The following SMAD6 variants were observed in gnomAD, a reference collection of about 807,000 sequenced individuals.
SMAD6 encodes the protein SMAD family member 6, also known as MAD homolog 6.
In SMAD6, 103 loss-of-function variants were observed where a neutral mutation model predicts 39.4. That is an observed-to-expected ratio of 2.62 (90% CI 2.23 to 3.08). The LOEUF is 3.08. Ranked by LOEUF, SMAD6 falls within the 30% of genes most tolerant of loss-of-function variation. SMAD6 has a pLI of 0.00. For missense variants in SMAD6, 1,104 were observed against 742.9 expected, an observed-to-expected ratio of 1.49 and a Z score of -5.65; for synonymous variants, 445 against 353.3, an observed-to-expected ratio of 1.26 and a Z score of -2.91.
Position 66,781,122 on chromosome 15 carries a change from C to G in SMAD6, c.1078C>G (p.Leu360Val), listed in dbSNP as rs1894556175. The G allele has an allele frequency of 2.5e-6, 4 of 1,609,022 alleles. No homozygotes were observed. Among genetic ancestry groups the G allele is most frequent in the Non-Finnish European group, 3.4e-6 (4 of 1,179,762 alleles). The stretch of plus-strand genomic sequence containing the variant: ...CCAGGCCGTCAGCATCTTCTACGAC[C>G]TACCTCAGGGCAGCGGCTTCTGCCT... Reference protein sequence around the residue: ...YDQAVSIFYDLPQGSGFCLGQ... With the variant: ...YDQAVSIFYDVPQGSGFCLGQ... Residue 360 changes from leucine to valine, a missense_variant, in exon 4 of 4, where the codon CTA becomes GTA. By Grantham distance (32) the Leu-to-Val change is conservative. Transcript: ENST00000288840.
At chr15:66,754,813 A>C (rs1019373853) in intron 3 of SMAD6, among the ~76,000 whole-genome samples, 2 of 152,192 alleles carry the variant, frequency 1.3e-5, no homozygotes, top group Non-Finnish European at 2.9e-5. Context: ...GCAACAGTGA[A>C]AAGGACAGAA....
chr15:66,761,263 G>T (rs1010301589), intron 3 of SMAD6, among the ~76,000 whole-genome samples: 5 of 152,100 alleles, frequency 3.3e-5, no homozygotes, highest in Admixed American at 3.3e-4. Context: ...TAGCAGCCCC[G>T]TACAATGGAA....
intron 2 of SMAD6, among the ~76,000 whole-genome samples, chr15:66,714,459 G>A (rs184475156): frequency 3.1e-4 from 47 of 152,268 alleles, no homozygotes; most frequent in Admixed American, 7.2e-4. Context: ...TTTGGTGTCC[G>A]GAAGTGGAGT....
At chr15:66,759,285 G>A (rs1345658183) in intron 3 of SMAD6, among the ~76,000 whole-genome samples, 1 of 151,996 alleles carries the variant, frequency 6.6e-6, no homozygotes, top group African/African-American at 2.4e-5. Context: ...CAGAAAAGTG[G>A]GGCTTTATAA....
chr15:66,747,196 A>G lies in SMAD6; in HGVS notation c.952+30698A>G, dbSNP rs1337289516. On this transcript the variant is annotated intron_variant, in intron 3 of 3. Coordinates refer to ENST00000288840, the MANE Select transcript of SMAD6 (RefSeq NM_005585.5). The surrounding 1 kb of genome is among the most constrained non-coding windows in gnomAD (Gnocchi z 4.5). Reference sequence around the variant, plus strand: ...TTATCTCCACATGGCAAGTGGGGAAAATGAGGCTTGGCCAGAGGTTGCGTG... The same window carrying G: ...TTATCTCCACATGGCAAGTGGGGAAGATGAGGCTTGGCCAGAGGTTGCGTG... Among the ~76,000 whole-genome samples, 1 of 152,252 alleles carries G rather than the reference A, an allele frequency of 6.6e-6. No homozygotes were observed. The highest frequency in any genetic ancestry group is 1.9e-4 in the East Asian group (1 of 5,196).
chr15:66,711,381 T>G (rs1052739336), intron 1 of SMAD6, among the ~76,000 whole-genome samples: 16 of 152,180 alleles, frequency 1.1e-4, no homozygotes, highest in African/African-American at 1.9e-4. Flanking sequence ...TCTAGATGAT[T>G]ATTATCCTCA....
chr15:66,715,030 CTTTTT>C (rs5813400), intron 2 of SMAD6, among the ~76,000 whole-genome samples: 2 of 132,164 alleles, frequency 1.5e-5, no homozygotes, highest in African/African-American at 2.8e-5. Context: ...GAGCACTGAG[CTTTTT>C]TTTTTTTTTT....
chr15:66,767,959 CTTTTTTTTTTTTTT>C (rs71142337), intron 3 of SMAD6, among the ~76,000 whole-genome samples: 36 of 60,252 alleles, frequency 6.0e-4, no homozygotes, highest in Non-Finnish European at 6.9e-4. Flanking sequence ...CAAGCTGCAT[CTTTTTTTTTTTTTT>C]TTTTTTTTTT....
intron 2 of SMAD6, among the ~76,000 whole-genome samples, chr15:66,713,734 C>A (rs1010582694): frequency 6.6e-6 from 1 of 152,186 alleles, no homozygotes. Flanking sequence ...AGGAGTGTGA[C>A]CTTCTCAGGC....
At chr15:66,733,167 A>G (rs115275182) in intron 3 of SMAD6, among the ~76,000 whole-genome samples, 174 of 152,282 alleles carry the variant, frequency 1.1e-3, no homozygotes, top group African/African-American at 3.9e-3. Context: ...CTACGTGTCT[A>G]TCCTTTTACC....
intron 1 of SMAD6, chr15:66,706,612 C>T (rs1486155788): frequency 1.3e-5 from 2 of 152,320 alleles, no homozygotes; most frequent in Non-Finnish European, 2.9e-5. Context: ...GAGACTGCGC[C>T]TTCCAGGGCT....
chr15:66,727,875 A>T (rs1273629696), intron 3 of SMAD6, among the ~76,000 whole-genome samples: 1 of 151,666 alleles, frequency 6.6e-6, no homozygotes, highest in Non-Finnish European at 1.5e-5. Flanking sequence ...TTTTAGAGAT[A>T]GAGTGTTGCT....
chr15:66,781,630 G>A lies in SMAD6; in HGVS notation c.*95G>A. ...GATGCCCAGAGACACAGCCCCCACG[G>A]ACAAAACCCCCCAGATATCATCTAC... On this transcript the variant is annotated 3_prime_UTR_variant, in exon 4 of 4. Coordinates refer to ENST00000288840, the MANE Select transcript of SMAD6 (RefSeq NM_005585.5). The A allele has an allele frequency of 1.3e-6, 1 of 791,968 alleles. No individual in the cohort carries two copies. Among genetic ancestry groups the A allele is most frequent in the Non-Finnish European group, 1.9e-6 (1 of 532,354 alleles). The allele number at this position is 791,968 out of a possible 1,614,324, so 49.1% of individuals were successfully genotyped here.
chr15:66,718,111 CGTGTGTGTGT>C (rs57053370), intron 3 of SMAD6, among the ~76,000 whole-genome samples: 17 of 137,260 alleles, frequency 1.2e-4, no homozygotes, highest in East Asian at 6.4e-4. Context: ...ATGGAAAGTC[CGTGTGTGTGT>C]GTGTGTGTGT....
intron 3 of SMAD6, among the ~76,000 whole-genome samples, chr15:66,716,757 C>T (rs934316340): frequency 1.3e-5 from 2 of 152,222 alleles, no homozygotes; most frequent in African/African-American, 2.4e-5. Context: ...TCTCTTGTCT[C>T]ACTTGGAAAT....
intron 1 of SMAD6, chr15:66,706,221 C>T (rs1252968868): frequency 1.3e-5 from 2 of 152,284 alleles, no homozygotes; most frequent in Non-Finnish European, 2.9e-5. Flanking sequence ...AGTTACCTCC[C>T]TTCTCAGCCA....
chr15:66,757,492 G>A (rs1206172890), intron 3 of SMAD6, among the ~76,000 whole-genome samples: 1 of 152,214 alleles, frequency 6.6e-6, no homozygotes, highest in Non-Finnish European at 1.5e-5. Context: ...GGGGCTGGCT[G>A]GAGGCAGAGC....
rs768654244 is a variant in SMAD6 at position 66,715,980 on chromosome 15, G to GAGGGAGGA, written c.875-437_875-430dup. 9.1e-4 allele frequency among the ~76,000 whole-genome samples: 138 copies of GAGGGAGGA among 152,190 alleles called. 1 individual carries two copies. Among genetic ancestry groups the GAGGGAGGA allele is most frequent in the Admixed American group, 1.6e-3 (25 of 15,296 alleles). On this transcript the variant is annotated intron_variant, in intron 2 of 3. Coordinates refer to ENST00000288840, the MANE Select transcript of SMAD6 (RefSeq NM_005585.5). ...AAAACAGTTTCCCCAGCCCTAGCGG[G>GAGGGAGGA]AGGGAGGAAGGAAGGAAGGAAGAAA...
chr15:66,774,659 A>G (rs972098570), intron 3 of SMAD6, among the ~76,000 whole-genome samples: 2 of 152,064 alleles, frequency 1.3e-5, no homozygotes, highest in African/African-American at 4.8e-5. Context: ...TCAAGGTATC[A>G]TACCTAAAAT....
Sources: gnomAD v4.1 joint callset for allele counts (sites outside exome capture counted in the v4.1 genomes callset) on GRCh38, gnomAD v4.1.1 for gene constraint, Gnocchi (gnomAD v3.1) non-coding constraint, MANE v1.5 for transcripts, NCBI Gene and HGNC (gene_info 2026-07-23, HGNC 2026-07-21) for gene names.